CDH13: variants seen among roughly 807,000 people sequenced by gnomAD.
CDH13 encodes cadherin 13.
Under a neutral mutation model 63.8 loss-of-function variants are expected in CDH13, and 24 were observed. The observed-to-expected ratio is 0.38, with a 90% CI of 0.27 to 0.53. The LOEUF is 0.53. Among genes scored for constraint, CDH13 ranks in the 20% least tolerant of loss-of-function variants. The pLI is 0.85. For synonymous variants in CDH13, 503 were observed against 355.3 expected, an observed-to-expected ratio of 1.42 and a Z score of -4.67; for missense variants, 1,049 against 903.1, an observed-to-expected ratio of 1.16 and a Z score of -2.07.
At chr16:83,325,661 G>C (rs1461518171) in intron 5 of CDH13, among the ~76,000 whole-genome samples, 1 of 152,118 alleles carries the variant, frequency 6.6e-6, no homozygotes, top group Non-Finnish European at 1.5e-5. Context: ...CTATTCTAGA[G>C]TATTTTGATA....
At chr16:83,624,181 G>C (rs938848520) in intron 8 of CDH13, among the ~76,000 whole-genome samples, 1 of 152,116 alleles carries the variant, frequency 6.6e-6, no homozygotes, top group Non-Finnish European at 1.5e-5. Context: ...CAAGAAAGGT[G>C]ACTTCTGACA....
chr16:83,378,814 A>G (rs2091503634), intron 6 of CDH13, among the ~76,000 whole-genome samples: 1 of 152,172 alleles, frequency 6.6e-6, no homozygotes, highest in Admixed American at 6.5e-5. Context: ...CCATTACCAG[A>G]AAGATTTTAC....
chr16:83,235,869 C>T (rs560044298), intron 5 of CDH13, among the ~76,000 whole-genome samples: 27 of 152,134 alleles, frequency 1.8e-4, no homozygotes, highest in South Asian at 6.2e-4. Context: ...TCACTGCATT[C>T]GAGGTCCTTA....
intron 4 of CDH13, among the ~76,000 whole-genome samples, chr16:83,172,086 T>G (rs1036949273): frequency 5.9e-5 from 9 of 152,120 alleles, no homozygotes; most frequent in African/African-American, 2.2e-4. Flanking sequence ...TTTACAGAGG[T>G]AATCATGTTA....
At chr16:83,505,267 C>T (rs1341063432) in intron 7 of CDH13, among the ~76,000 whole-genome samples, 4 of 152,172 alleles carry the variant, frequency 2.6e-5, no homozygotes, top group Admixed American at 6.5e-5. Flanking sequence ...TAATGCCTAG[C>T]GGGCGTTAGC....
chr16:83,023,308 A>C (rs1915514776), intron 2 of CDH13, among the ~76,000 whole-genome samples: 1 of 135,844 alleles, frequency 7.4e-6, no homozygotes, highest in African/African-American at 2.8e-5. Flanking sequence ...CTACCCCCCG[A>C]CTCCACCCCG....
chr16:82,865,799 A>G (rs2040112696), intron 2 of CDH13, among the ~76,000 whole-genome samples: 3 of 152,214 alleles, frequency 2.0e-5, no homozygotes, highest in Non-Finnish European at 4.4e-5. Flanking sequence ...ATTTCTCCCC[A>G]GAAAATGTTT....
intron 2 of CDH13, among the ~76,000 whole-genome samples, chr16:83,028,370 G>C (rs1188216630): frequency 1.3e-5 from 2 of 152,204 alleles, no homozygotes; most frequent in Admixed American, 1.3e-4. Context: ...GTCCACTTGT[G>C]TGTCCATGCA....
rs1177495263 is a variant in CDH13 at position 83,237,244 on chromosome 16, A to G, written c.636+19747A>G. On this transcript the variant is annotated intron_variant, in intron 5 of 13. Coordinates refer to ENST00000567109, the MANE Select transcript of CDH13 (RefSeq NM_001257.5). ...GCAGCCTCTGCCTGTCTCAGCAAAG[A>G]GCTGAGTGGGCACCCACCCCATGGT... Among the ~76,000 whole-genome samples, 8 of 152,320 alleles carry G rather than the reference A, an allele frequency of 5.3e-5. No individual in the cohort carries two copies. The East Asian group carries it at 1.4e-3, about 26-fold the overall frequency.
At chr16:83,379,615 T>C (rs553544016) in intron 6 of CDH13, among the ~76,000 whole-genome samples, 7 of 152,248 alleles carry the variant, frequency 4.6e-5, no homozygotes, top group African/African-American at 1.4e-4. Flanking sequence ...GAAATCATGA[T>C]ACTATATATT....
At chr16:83,086,184 C>A (rs1319313260) in intron 3 of CDH13, among the ~76,000 whole-genome samples, 1 of 152,050 alleles carries the variant, frequency 6.6e-6, no homozygotes, top group Non-Finnish European at 1.5e-5. Flanking sequence ...ATGTTTAAGG[C>A]AAAAATAAGA....
chr16:83,614,802 A>T (rs34943072), intron 8 of CDH13, among the ~76,000 whole-genome samples: 57,252 of 151,998 alleles, frequency 0.38, 11,102 homozygotes, highest in African/African-American at 0.46. Context: ...AAAGCATAAT[A>T]TTTTCATTTA....
At chr16:83,119,770 G>T (rs995455257) in intron 3 of CDH13, among the ~76,000 whole-genome samples, 7 of 152,128 alleles carry the variant, frequency 4.6e-5, no homozygotes, top group Non-Finnish European at 8.8e-5. Flanking sequence ...ATGTATGATG[G>T]TTCTTACACG....
intron 5 of CDH13, among the ~76,000 whole-genome samples, chr16:83,331,668 G>A (rs890811654): frequency 2.0e-5 from 3 of 152,146 alleles, no homozygotes; most frequent in African/African-American, 2.4e-5. Context: ...TAATATTTTA[G>A]CATAATCTTG....
rs551867091 is a variant in CDH13 at position 83,713,143 on chromosome 16, C to G, written c.1538+34682C>G. ...AGCCTCCATCTCTACCACCTAGCAG[C>G]AAACAGATCAACCTGGGAAAGGAGC... On this transcript the variant is annotated intron_variant, in intron 10 of 13. Coordinates refer to ENST00000567109, the MANE Select transcript of CDH13 (RefSeq NM_001257.5). Among the ~76,000 whole-genome samples the G allele has an allele frequency of 5.3e-5, 8 of 152,336 alleles. No homozygotes were observed. The South Asian group carries it at 1.7e-3, about 32-fold the overall frequency.
chr16:82,733,036 A>C (rs987892178), intron 1 of CDH13, among the ~76,000 whole-genome samples: 4 of 152,224 alleles, frequency 2.6e-5, no homozygotes, highest in Non-Finnish European at 4.4e-5. Flanking sequence ...AGTAGTAACC[A>C]GGTTTATTCC....
chr16:83,498,315 A>G (rs1365008095), intron 7 of CDH13, among the ~76,000 whole-genome samples: 5 of 152,184 alleles, frequency 3.3e-5, no homozygotes, highest in Non-Finnish European at 7.3e-5. Flanking sequence ...CTGGGCTCAT[A>G]CCCTGTCTCT....
chr16:83,119,113 A>G (rs1355352107), intron 3 of CDH13, among the ~76,000 whole-genome samples: 6 of 152,022 alleles, frequency 3.9e-5, no homozygotes, highest in African/African-American at 1.5e-4. Flanking sequence ...AGCCTCCGTG[A>G]TTTTGGAGGA....
chr16:83,752,392 T>G (rs1019611232), intron 11 of CDH13, among the ~76,000 whole-genome samples: 14 of 152,160 alleles, frequency 9.2e-5, no homozygotes, highest in African/African-American at 2.9e-4. Context: ...AAACCAAAAT[T>G]TGCAGATTAA....
Sources: allele counts gnomAD v4.1 joint callset (sites outside exome capture counted in the v4.1 genomes callset), GRCh38; gene constraint gnomAD v4.1.1; transcripts MANE v1.5; gene names NCBI Gene and HGNC (gene_info 2026-07-23, HGNC 2026-07-21).